Variants in GRID2 observed in about 807,000 individuals in gnomAD.
GRID2 encodes the protein glutamate ionotropic receptor delta type subunit 2.
Under a neutral mutation model 114.8 loss-of-function variants are expected in GRID2, and 33 were observed. The ratio of observed to expected loss-of-function variants is 0.29; its 90% CI spans 0.22 to 0.38. The LOEUF is 0.38. Among genes scored for constraint, GRID2 ranks in the 10% least tolerant of loss-of-function variants. The probability of loss-of-function intolerance (pLI) is 1.00; values close to 1 mark genes in which losing one functional copy is unlikely to be tolerated. For missense variants in GRID2, 1,184 were observed against 1,257.7 expected (o/e 0.94, Z 0.89); for synonymous variants, 505 against 449.9 (o/e 1.12, Z -1.55).
chr4:93,403,490 T>G (rs1176194202), intron 9 of GRID2, among the ~76,000 whole-genome samples: 3 of 152,184 alleles, frequency 2.0e-5, no homozygotes, highest in Non-Finnish European at 4.4e-5. Flanking sequence ...TAAGTGATAT[T>G]TAGCATATAC....
chr4:92,815,146 A>T (rs184352890), intron 2 of GRID2, among the ~76,000 whole-genome samples: 42 of 152,226 alleles, frequency 2.8e-4, no homozygotes, highest in African/African-American at 9.1e-4. Flanking sequence ...CAGGATTTTT[A>T]AAAAATCTCA....
chr4:93,797,035 G>A (rs1271994306), intron 1 of GRID2, among the ~76,000 whole-genome samples: 7 of 152,178 alleles, frequency 4.6e-5, no homozygotes, highest in Admixed American at 4.6e-4. Flanking sequence ...GTGAGGTATA[G>A]CCGATTGCTC....
chr4:93,084,063 A>C (rs1234600651), intron 2 of GRID2, among the ~76,000 whole-genome samples: 1 of 152,106 alleles, frequency 6.6e-6, no homozygotes, highest in Non-Finnish European at 1.5e-5. Flanking sequence ...AATCTAAAAT[A>C]AGGCTGAACC....
chr4:93,290,817 G>C (rs996709385), intron 8 of GRID2, among the ~76,000 whole-genome samples: 3 of 150,900 alleles, frequency 2.0e-5, no homozygotes, highest in Non-Finnish European at 2.9e-5. Flanking sequence ...CTGAACACAG[G>C]GTAAGATGCT....
intron 4 of GRID2, among the ~76,000 whole-genome samples, chr4:93,176,381 T>C (rs944570922): frequency 6.6e-6 from 1 of 152,248 alleles, no homozygotes; most frequent in Non-Finnish European, 1.5e-5. Context: ...TTCCTTTCAT[T>C]CTTTGAAAGA....
At chr4:92,989,024 AAT>A (rs1485135147) in intron 2 of GRID2, among the ~76,000 whole-genome samples, 1 of 152,138 alleles carries the variant, frequency 6.6e-6, no homozygotes, top group African/African-American at 2.4e-5. Context: ...TCAAGCCTGT[AAT>A]CCCAGGCATG....
chr4:92,570,579 A>G (rs1472668444), intron 1 of GRID2, among the ~76,000 whole-genome samples: 2 of 152,222 alleles, frequency 1.3e-5, no homozygotes, highest in African/African-American at 4.8e-5. Context: ...AATTCTTCCT[A>G]TCCATGAGCA....
intron 2 of GRID2, among the ~76,000 whole-genome samples, chr4:92,879,874 G>C (rs746202942): frequency 4.6e-5 from 7 of 152,170 alleles, no homozygotes; most frequent in Non-Finnish European, 1.0e-4. Flanking sequence ...CTTTGGCCAA[G>C]AGCTTTTGAA....
At chr4:92,551,721 C>T (rs1209110063) in intron 1 of GRID2, among the ~76,000 whole-genome samples, 2 of 151,848 alleles carry the variant, frequency 1.3e-5, no homozygotes, top group East Asian at 3.9e-4. Flanking sequence ...CAAATAATAC[C>T]ATCGTTAATA....
Position 92,434,407 on chromosome 4 carries a change from G to A in GRID2, c.88+129663G>A, listed in dbSNP as rs149113838. Among the ~76,000 whole-genome samples the A allele has an allele frequency of 6.4e-3, 970 of 152,248 alleles. 9 individuals carry two copies. The highest frequency in any genetic ancestry group is 0.022 in the African/African-American group (905 of 41,544). On this transcript the variant is annotated intron_variant, in intron 1 of 15. Coordinates refer to ENST00000282020, the MANE Select transcript of GRID2 (RefSeq NM_001510.4). The stretch of plus-strand genomic sequence containing the variant: ...CTGAAACAATGTTCTCTTAAATGGC[G>A]TTAAACATAACCTAACAATGCATTC...
At chr4:93,634,084 C>T (rs190488308) in intron 14 of GRID2, among the ~76,000 whole-genome samples, 26 of 152,170 alleles carry the variant, frequency 1.7e-4, no homozygotes, top group Non-Finnish European at 1.5e-4. Context: ...GCTCTGAGAG[C>T]AGAAGTGACA....
intron 14 of GRID2, among the ~76,000 whole-genome samples, chr4:93,664,121 C>G (rs187843172): frequency 1.9e-4 from 29 of 152,270 alleles, no homozygotes; most frequent in African/African-American, 6.0e-4. Flanking sequence ...TGCAAAAGAG[C>G]ATTTCACACA....
rs1734209952 is a variant in GRID2 at position 93,772,736 on chromosome 4, A to G, written c.*238A>G. On this transcript the variant is annotated 3_prime_UTR_variant, in exon 16 of 16. Transcript: ENST00000282020. The stretch of plus-strand genomic sequence containing the variant: ...TTTTTCATTACTCAACTTGTTCCCC[A>G]AGAAGGTAGTGTACTAGGATCCTAT... The G allele has an allele frequency of 4.0e-6, 2 of 502,076 alleles. No homozygotes were observed. Among genetic ancestry groups the G allele is most frequent in the African/African-American group, 1.9e-5 (1 of 51,960 alleles). 31.1% of individuals were successfully genotyped at this position (502,076 alleles called of 1,614,324 possible). A position where few individuals can be genotyped will look rare whatever the true frequency, so the allele number is the denominator to read the frequency against.
intron 1 of GRID2, among the ~76,000 whole-genome samples, chr4:92,479,068 CCAGTTGAAA>C (rs1722456155): frequency 6.6e-6 from 1 of 151,892 alleles, no homozygotes; most frequent in African/African-American, 2.4e-5. Flanking sequence ...CTCATATGAG[CCAGTTGAAA>C]AGCTAATACA....
rs572408767 is a variant in GRID2 at position 92,789,813 on chromosome 4, A to G, written c.244+199527A>G. 1.9e-4 allele frequency among the ~76,000 whole-genome samples: 29 copies of G among 151,826 alleles called. 1 individual carries two copies. The South Asian group carries it at 5.8e-3, about 30-fold the overall frequency. ...ATCACACACGTCCACTGATTTCTTT[A>G]TATATTTTCAGTTTTATACTGTGTG... On this transcript the variant is annotated intron_variant, in intron 2 of 15. Coordinates refer to ENST00000282020, the MANE Select transcript of GRID2 (RefSeq NM_001510.4).
chr4:93,087,525 T>C (rs1730437858), intron 3 of GRID2, among the ~76,000 whole-genome samples: 1 of 152,128 alleles, frequency 6.6e-6, no homozygotes, highest in Non-Finnish European at 1.5e-5. Flanking sequence ...TAAATAAATA[T>C]ATAGTCACAG....
intron 10 of GRID2, among the ~76,000 whole-genome samples, chr4:93,432,601 G>A (rs181742805): frequency 6.6e-6 from 1 of 152,130 alleles, no homozygotes; most frequent in African/African-American, 2.4e-5. Flanking sequence ...TGGAGTGAGG[G>A]AGGGAGGGAT....
rs558398804 is a variant in GRID2, at chr4:93,094,058, T to C, written c.529+8779T>C. ...ACTTTGATAGTTGAAGGAATATCTC[T>C]GTATGAATATTATAGAAAAAAGGCC... On this transcript the variant is annotated intron_variant, in intron 3 of 15. Transcript: ENST00000282020. 5.3e-5 allele frequency among the ~76,000 whole-genome samples: 8 copies of C among 152,206 alleles called. No individual in the cohort carries two copies. In the South Asian group the frequency reaches 1.0e-3, roughly 20 times the overall value.
At chr4:93,732,848 A>G (rs939898271) in intron 14 of GRID2, among the ~76,000 whole-genome samples, 1 of 152,074 alleles carries the variant, frequency 6.6e-6, no homozygotes, top group Non-Finnish European at 1.5e-5. Context: ...TCTCTCCATA[A>G]TAATTCTAAG....
Sources: allele counts gnomAD v4.1 joint callset (sites outside exome capture counted in the v4.1 genomes callset), GRCh38; gene constraint gnomAD v4.1.1; transcripts MANE v1.5; gene names NCBI Gene and HGNC (gene_info 2026-07-23, HGNC 2026-07-21).